Variants in OSR1 observed in about 807,000 individuals in gnomAD.
OSR1 encodes the protein odd-skipped related transcription factor 1, also known as protein odd-skipped-related 1.
OSR1 carries 3 observed loss-of-function variants against 15.7 expected under a neutral mutation model. That is an observed-to-expected ratio of 0.19 (90% confidence interval 0.09 to 0.50). OSR1 has a LOEUF of 0.50. Among genes scored for constraint, OSR1 ranks in the 20% least tolerant of loss-of-function variants. The pLI, the probability that OSR1 is intolerant of heterozygous loss-of-function variation, is 0.97. For synonymous variants in OSR1, 166 were observed against 152.7 expected (o/e 1.09, Z -0.64); for missense variants, 271 against 351.1 (o/e 0.77, Z 1.82).
intron 2 of OSR1, 94 bp downstream of exon 2, chr2:19,353,047 G>A: frequency 7.0e-7 from 1 of 1,432,252 alleles, no homozygotes; most frequent in Non-Finnish European, 9.5e-7. Context: ...CCAGAGGCTT[G>A]GAGCCAGTAG....
downstream of OSR1, chr2:19,348,495 C>T (rs1379367087): frequency 1.3e-5 from 2 of 154,148 alleles, no homozygotes; most frequent in African/African-American, 4.8e-5. Flanking sequence ...ACAGAGGCTT[C>T]GCGCTCTGAG....
chr2:19,356,930 C>A (rs1664962095), intron 1 of OSR1: 1 of 152,332 alleles, frequency 6.6e-6, no homozygotes, highest in African/African-American at 2.4e-5. Flanking sequence ...TTAATGAGAA[C>A]GGGAGCGAAC....
At chr2:19,354,553 T>A (rs547928386) in intron 1 of OSR1, 129 of 152,348 alleles carry the variant, frequency 8.5e-4, no homozygotes, top group African/African-American at 3.0e-3. Context: ...CCAGAAGCCC[T>A]GTCATCTTTC....
downstream of OSR1, among the ~76,000 whole-genome samples, chr2:19,349,647 G>T (rs900980908): frequency 2.0e-5 from 3 of 152,200 alleles, no homozygotes; most frequent in African/African-American, 7.2e-5. Context: ...AGCTTCCTGA[G>T]GCCCCGGGAA....
chr2:19,352,317 G>A lies in OSR1; in HGVS notation c.759C>T (p.His253=), dbSNP rs1395951738. 9 of 1,614,254 alleles carry A rather than the reference G, an allele frequency of 5.6e-6. No individual in the cohort carries two copies. The highest frequency in any genetic ancestry group is 1.3e-5 in the African/African-American group (1 of 75,074). ...SRTLAVHKTL[H]SQVKELKTSK... ...AGGTTTTGAGCTCCTTCACCTGTGA[G>A]TGTAGCGTCTTGTGGACAGCGAGAG... Residue 253 remains histidine, a synonymous_variant, in exon 3 of 3, where the codon CAC becomes CAT. Coordinates refer to ENST00000272223, the MANE Select transcript of OSR1 (RefSeq NM_145260.3).
chr2:19,354,083 G>C (rs1664900145), intron 1 of OSR1: 1 of 447,230 alleles, frequency 2.2e-6, no homozygotes, highest in African/African-American at 1.9e-5. Context: ...GTCTGGCAGA[G>C]CCACACAACT....
rs753222267 is a variant in OSR1 at position 19,353,759 on chromosome 2, A to G, written c.47T>C (p.Leu16Pro). 6.2e-7 allele frequency: 1 copy of G among 1,613,854 alleles called. No individual in the cohort carries two copies. The highest frequency in any genetic ancestry group is 8.5e-7 in the Non-Finnish European group (1 of 1,179,884). Residue 16 changes from leucine to proline, a missense_variant, in exon 2 of 3, where the codon CTG becomes CCG. Leu to Pro is a moderately conservative substitution (Grantham distance 98). Transcript: ENST00000272223. ...AAGGAAGGAGTAGTTGGTGAGCTGC[A>G]GGGAAGGGTGGATAGGCACCGGCGC... is the stretch of plus-strand genomic sequence containing the variant. ...LPAPVPIHPS[L>P]QLTNYSFLQA...
chr2:19,353,253 T>C lies in OSR1; in HGVS notation c.553A>G (p.Thr185Ala). Reference sequence around the variant, plus strand: ...TGGATAAGTAGGTTGTAGGACTTGGTGAAGTGGCGGCCACAGAACTTGCAG... The same window carrying C: ...TGGATAAGTAGGTTGTAGGACTTGGCGAAGTGGCGGCCACAGAACTTGCAG... ...FVCKFCGRHF[T>A]KSYNLLIHER... The change falls in exon 2 of 3, where the codon ACC (threonine) becomes GCC (alanine). Residue 185 changes from threonine (T) to alanine (A), a missense_variant. Physicochemically the swap from Thr to Ala is moderately conservative, Grantham distance 58 (BLOSUM62 0). Around this residue, in one of 4 missense-constraint regions of OSR1, gnomAD observed 32 missense variants for 66.8 expected, o/e 0.48. Coordinates refer to ENST00000272223, the MANE Select transcript of OSR1 (RefSeq NM_145260.3). 6.2e-7 allele frequency: 1 copy of C among 1,614,186 alleles called. No individual in the cohort carries two copies. Among genetic ancestry groups the C allele is most frequent in the Non-Finnish European group, 8.5e-7 (1 of 1,180,038 alleles).
chr2:19,349,997 C>T (rs960990396), downstream of OSR1, among the ~76,000 whole-genome samples: 13 of 152,240 alleles, frequency 8.5e-5, no homozygotes, highest in African/African-American at 2.9e-4. Context: ...TACTGGCTAG[C>T]CCCACTTCCA....
chr2:19,345,086 A>G, the OSR1 span, among the ~76,000 whole-genome samples: 1,328 of 152,266 alleles, frequency 8.7e-3, 23 homozygotes, highest in African/African-American at 0.03. Flanking sequence ...TCTTTGATGG[A>G]ACTACAATAA....
chr2:19,349,551 C>T (rs1253889162), downstream of OSR1, among the ~76,000 whole-genome samples: 1 of 152,198 alleles, frequency 6.6e-6, no homozygotes, highest in East Asian at 1.9e-4. Flanking sequence ...AGACCTTGGA[C>T]TGGGTGGGTT....
At chr2:19,350,927 G>A (rs962595610), downstream of OSR1, among the ~76,000 whole-genome samples, 2 of 152,118 alleles carry the variant, frequency 1.3e-5, no homozygotes, top group Non-Finnish European at 2.9e-5. Context: ...AAGGGAGGGA[G>A]TGATGTTGGT....
At chr2:19,350,083 G>C (rs775178116), downstream of OSR1, among the ~76,000 whole-genome samples, 8 of 152,328 alleles carry the variant, frequency 5.3e-5, no homozygotes, top group Non-Finnish European at 8.8e-5. Context: ...CTGCTTGGAA[G>C]AAGGATTGGG....
At chr2:19,352,539 T>G in intron 2 of OSR1, 129 bp from the exon 3 acceptor site, 1 of 1,114,644 alleles carries the variant, frequency 9.0e-7, no homozygotes, top group Non-Finnish European at 1.3e-6. Context: ...GTACCAAGTG[T>G]GGATGGGACA....
At chr2:19,345,365 T>C in the OSR1 span, among the ~76,000 whole-genome samples, 71 of 152,156 alleles carry the variant, frequency 4.7e-4, no homozygotes, top group South Asian at 0.014. Context: ...GTTTTAGACA[T>C]GAAGTCCTTG....
chr2:19,354,245 T>G (rs1291305665), intron 1 of OSR1: 1 of 166,082 alleles, frequency 6.0e-6, no homozygotes, highest in Non-Finnish European at 1.3e-5. Context: ...GGGAACATAC[T>G]TACACATTTA....
At chr2:19,345,444 G>A in the OSR1 span, among the ~76,000 whole-genome samples, 6 of 152,004 alleles carry the variant, frequency 3.9e-5, no homozygotes, top group Non-Finnish European at 5.9e-5. Context: ...TAGGTCTAAC[G>A]TTTAAGTCTT....
chr2:19,349,712 G>A (rs45611132), downstream of OSR1, among the ~76,000 whole-genome samples: 26,879 of 152,072 alleles, frequency 0.18, 2,874 homozygotes, highest in East Asian at 0.51. Flanking sequence ...GAGGTGGAGG[G>A]ATGTCAGGGG....
chr2:19,352,460 A>G (rs763591318), intron 2 of OSR1, 50 bp from the exon 3 acceptor site: 1 of 1,603,224 alleles, frequency 6.2e-7, no homozygotes, highest in Non-Finnish European at 8.5e-7. Flanking sequence ...GCAATGTTAT[A>G]AACAGTTGCC....
Sources: gnomAD v4.1 joint callset for allele counts (sites outside exome capture counted in the v4.1 genomes callset) on GRCh38, gnomAD v4.1.1 for gene constraint, gnomAD v4.1.1 regional missense constraint, MANE v1.5 for transcripts, NCBI Gene and HGNC (gene_info 2026-07-23, HGNC 2026-07-21) for gene names.